SH3BGRL: variants seen among roughly 807,000 people sequenced by gnomAD.
SH3BGRL encodes the protein SH3 domain binding glutamate rich protein like.
A neutral mutation model predicts 9.8 loss-of-function variants in SH3BGRL; 7 were observed. That is an observed-to-expected ratio of 0.72 (90% CI 0.41 to 1.35). SH3BGRL has a LOEUF of 1.35. SH3BGRL is among the 40% of genes most tolerant of loss of function. The pLI, the probability that SH3BGRL is intolerant of heterozygous loss-of-function variation, is 0.01. For synonymous variants in SH3BGRL, 36 were observed against 29.1 expected, an observed-to-expected ratio of 1.24 and a Z score of -0.76; for missense variants, 73 against 84.4, an observed-to-expected ratio of 0.86 and a Z score of 0.53.
At chrX:81,258,571 T>C (rs1384176202) in intron 1 of SH3BGRL, among the ~76,000 whole-genome samples, 1 of 112,283 alleles carries the variant, frequency 8.9e-6, no homozygotes, top group Non-Finnish European at 1.9e-5. Context: ...GGAAAGACAA[T>C]ATCTTAACCT....
chrX:81,265,714 G>A (rs758786020), intron 1 of SH3BGRL, among the ~76,000 whole-genome samples: 3 of 111,848 alleles, frequency 2.7e-5, no homozygotes, highest in Non-Finnish European at 5.6e-5. Context: ...AATTCTTTGG[G>A]TATATGCCCA....
chrX:81,238,252 A>C (rs2075654858), intron 1 of SH3BGRL, among the ~76,000 whole-genome samples: 1 of 111,331 alleles, frequency 9.0e-6, no homozygotes, highest in Non-Finnish European at 1.9e-5. Context: ...CTGGGCCTGA[A>C]GGGAGCCCAC....
At chrX:81,281,436 A>G (rs1217855037) in intron 3 of SH3BGRL, among the ~76,000 whole-genome samples, 1 of 112,155 alleles carries the variant, frequency 8.9e-6, no homozygotes, top group African/African-American at 3.2e-5. Context: ...TAGGTAACCT[A>G]TAAAGGAAAA....
At chrX:81,206,790 A>G (rs970913141) in intron 1 of SH3BGRL, among the ~76,000 whole-genome samples, 2 of 112,181 alleles carry the variant, frequency 1.8e-5, no homozygotes, top group African/African-American at 6.5e-5. Context: ...GAGAAGACCT[A>G]CACAGTTGGA....
At chrX:81,248,026 A>G (rs1227984177) in intron 1 of SH3BGRL, among the ~76,000 whole-genome samples, 1 of 109,188 alleles carries the variant, frequency 9.2e-6, no homozygotes, top group Non-Finnish European at 1.9e-5. Context: ...TTCCTGATTC[A>G]ATCCTAGGAG....
At chrX:81,214,942 C>A (rs768042667) in intron 1 of SH3BGRL, among the ~76,000 whole-genome samples, 1 of 111,481 alleles carries the variant, frequency 9.0e-6, no homozygotes, top group South Asian at 3.8e-4. Flanking sequence ...ATACTTTACA[C>A]TTATTTTCCC....
intron 1 of SH3BGRL, among the ~76,000 whole-genome samples, chrX:81,270,853 A>C (rs376302321): frequency 1.8e-5 from 2 of 112,387 alleles, no homozygotes; most frequent in Non-Finnish European, 3.8e-5. Flanking sequence ...CTAGAGAGGC[A>C]GTAGGCCTTG....
intron 1 of SH3BGRL, among the ~76,000 whole-genome samples, chrX:81,266,772 A>G (rs1228379204): frequency 8.9e-6 from 1 of 112,235 alleles, no homozygotes; most frequent in African/African-American, 3.2e-5. Context: ...TGGGGATAGC[A>G]TTGAATCTAT....
intron 3 of SH3BGRL, among the ~76,000 whole-genome samples, chrX:81,282,773 A>C (rs1318998757): frequency 8.9e-6 from 1 of 112,023 alleles, no homozygotes; most frequent in Non-Finnish European, 1.9e-5. Context: ...GAACTAAAGA[A>C]ACAAGAACAA....
chrX:81,284,509 G>A (rs1453149778), intron 3 of SH3BGRL, among the ~76,000 whole-genome samples: 1 of 110,899 alleles, frequency 9.0e-6, no homozygotes, highest in African/African-American at 3.3e-5. Context: ...TTGGTGATTG[G>A]GAAATGAAGA....
intron 3 of SH3BGRL, among the ~76,000 whole-genome samples, chrX:81,280,303 G>T (rs180813287): frequency 9.0e-6 from 1 of 110,817 alleles, no homozygotes; most frequent in African/African-American, 3.3e-5. Context: ...TGCCTACTGC[G>T]GGTCCCTCTC....
intron 1 of SH3BGRL, among the ~76,000 whole-genome samples, chrX:81,264,405 C>G (rs983622665): frequency 2.7e-5 from 3 of 111,429 alleles, no homozygotes; most frequent in African/African-American, 9.8e-5. Flanking sequence ...TTTCCTTTGC[C>G]GTGAAATGGA....
chrX:81,263,385 T>A (rs1330821309), intron 1 of SH3BGRL, among the ~76,000 whole-genome samples: 2 of 111,664 alleles, frequency 1.8e-5, no homozygotes, highest in African/African-American at 6.5e-5. Flanking sequence ...TTTCAATTCT[T>A]TGAATTTCAG....
At chrX:81,270,296 C>T (rs949668983) in intron 1 of SH3BGRL, among the ~76,000 whole-genome samples, 1 of 111,151 alleles carries the variant, frequency 9.0e-6, no homozygotes, top group African/African-American at 3.3e-5. Flanking sequence ...GTAGAAGAGG[C>T]GTTCTGGTTT....
chrX:81,243,808 G>C (rs956776071), intron 1 of SH3BGRL, among the ~76,000 whole-genome samples: 1 of 111,200 alleles, frequency 9.0e-6, no homozygotes, highest in Non-Finnish European at 1.9e-5. Context: ...AATAATTTAT[G>C]AGGGTAAGAA....
intron 1 of SH3BGRL, chrX:81,255,657 T>G (rs1450231235): frequency 8.9e-6 from 1 of 112,307 alleles, no homozygotes; most frequent in African/African-American, 3.2e-5. Flanking sequence ...AGTGTTAGAT[T>G]GCGATTCTGT....
intron 1 of SH3BGRL, among the ~76,000 whole-genome samples, chrX:81,267,422 G>A (rs780596165): frequency 1.8e-5 from 2 of 111,990 alleles, no homozygotes; most frequent in South Asian, 7.5e-4. Flanking sequence ...ATGAAAGGCT[G>A]TTGAATCTTG....
At position 81,219,671 on chromosome X, in the gene SH3BGRL, G is replaced by C. The variant is rs186989182; in HGVS notation, c.45+17426G>C. ...TTTAGTAGTATGTTGAATAACAGTGGTAAAAGTGGACATCTTTGTCGTGTA... is the reference window on the plus strand; with the variant it reads ...TTTAGTAGTATGTTGAATAACAGTGCTAAAAGTGGACATCTTTGTCGTGTA... On this transcript the variant is annotated intron_variant, in intron 1 of 3. Coordinates refer to ENST00000373212, the MANE Select transcript of SH3BGRL (RefSeq NM_003022.3). Among the ~76,000 whole-genome samples, 13 of 111,542 alleles carry C rather than the reference G, an allele frequency of 1.2e-4. 1 individual carries two copies. The highest frequency in any genetic ancestry group is 4.2e-4 in the African/African-American group (13 of 30,848).
chrX:81,209,313 G>T (rs75912055), intron 1 of SH3BGRL, among the ~76,000 whole-genome samples: 2 of 111,564 alleles, frequency 1.8e-5, no homozygotes, highest in African/African-American at 6.5e-5. Context: ...CAGCTGCTAA[G>T]ATTTGACTTT....
Sources: allele counts gnomAD v4.1 joint callset (sites outside exome capture counted in the v4.1 genomes callset), GRCh38; gene constraint gnomAD v4.1.1; transcripts MANE v1.5; gene names NCBI Gene and HGNC (gene_info 2026-07-23, HGNC 2026-07-21).